The following MED16 variants were observed in gnomAD, a reference collection of about 807,000 sequenced individuals.
The protein encoded by MED16 is mediator of RNA polymerase II transcription subunit 16.
Under a neutral mutation model 84.4 loss-of-function variants are expected in MED16, and 81 were observed. The observed-to-expected ratio is 0.96, with a 90% CI of 0.80 to 1.15. The LOEUF is 1.15. Among genes scored for constraint, MED16 ranks in the 50% most tolerant of loss-of-function variants. The pLI, the probability that MED16 is intolerant of heterozygous loss-of-function variation, is 0.00. For synonymous variants in MED16, 897 were observed against 552.2 expected (o/e 1.62, Z -8.76); for missense variants, 1,585 against 1,245.9 (o/e 1.27, Z -4.10).
intron 9 of MED16, among the ~76,000 whole-genome samples, chr19:876,003 C>G (rs2036220515): frequency 6.6e-6 from 1 of 152,220 alleles, no homozygotes; most frequent in Non-Finnish European, 1.5e-5. Context: ...AGCGACGGCC[C>G]AAGGAGGGAG....
intron 8 of MED16, among the ~76,000 whole-genome samples, chr19:878,556 A>G (rs2036324847): frequency 8.6e-5 from 1 of 11,624 alleles, no homozygotes. Flanking sequence ...AATGCCCACC[A>G]GCCCCAGCCC....
chr19:885,426 T>G (rs2036505001), intron 5 of MED16, among the ~76,000 whole-genome samples: 1 of 151,932 alleles, frequency 6.6e-6, no homozygotes, highest in Non-Finnish European at 1.5e-5. Context: ...GGGATTCGGT[T>G]CGGGACACTG....
At chr19:888,900 C>T in intron 4 of MED16, among the ~76,000 whole-genome samples, 1 of 152,180 alleles carries the variant, frequency 6.6e-6, no homozygotes, top group East Asian at 1.9e-4. Context: ...CAAGCAGACG[C>T]ACAGAGGCAC....
chr19:891,203 G>T, intron 1 of MED16, 54 bp from the exon 2 acceptor site: 1 of 1,521,296 alleles, frequency 6.6e-7, no homozygotes. Flanking sequence ...CCCAGGGCAT[G>T]TGGAGTGCCA....
intron 13 of MED16, among the ~76,000 whole-genome samples, chr19:870,701 T>C (rs1185723942): frequency 6.8e-6 from 1 of 147,316 alleles, no homozygotes; most frequent in African/African-American, 2.5e-5. Flanking sequence ...GTCATGGCCA[T>C]GACTGGAGAA....
chr19:892,885 C>G (rs902502713), intron 1 of MED16: 1 of 10,682 alleles, frequency 9.4e-5, no homozygotes, highest in African/African-American at 3.1e-4. Flanking sequence ...GCCCCGAGCC[C>G]CGCGCCCCGC....
intron 3 of MED16, among the ~76,000 whole-genome samples, 163 bp downstream of exon 3, chr19:889,974 A>C (rs1395145543): frequency 1.3e-5 from 2 of 152,216 alleles, no homozygotes; most frequent in Non-Finnish European, 2.9e-5. Flanking sequence ...AGACACCCTG[A>C]ACAAGAATGA....
At chr19:887,791 T>G (rs1000422611) in intron 4 of MED16, among the ~76,000 whole-genome samples, 2 of 152,072 alleles carry the variant, frequency 1.3e-5, no homozygotes, top group South Asian at 2.1e-4. Flanking sequence ...TGTGTGATCC[T>G]GTTTCTATGA....
intron 11 of MED16, 76 bp from the exon 12 acceptor site, chr19:872,194 T>A: frequency 7.6e-7 from 1 of 1,307,512 alleles, no homozygotes; most frequent in South Asian, 1.4e-5. Context: ...TTGGGGTCGG[T>A]GGAACCCCGA....
intron 2 of MED16, among the ~76,000 whole-genome samples, 161 bp downstream of exon 2, chr19:890,802 C>G (rs1489680994): frequency 1.3e-5 from 2 of 152,212 alleles, no homozygotes; most frequent in Admixed American, 1.3e-4. Context: ...CCTCTGTACC[C>G]CCAGGAGGCT....
intron 7 of MED16, among the ~76,000 whole-genome samples, chr19:880,668 C>G (rs1284155410): frequency 1.3e-5 from 2 of 152,216 alleles, no homozygotes; most frequent in Non-Finnish European, 2.9e-5. Flanking sequence ...GCCTGTAATC[C>G]TAGCACTTTG....
intron 4 of MED16, among the ~76,000 whole-genome samples, chr19:888,130 G>A (rs898576318): frequency 2.0e-5 from 3 of 152,006 alleles, no homozygotes; most frequent in Non-Finnish European, 4.4e-5. Flanking sequence ...CTTGAGCCCG[G>A]GAGGGAGAGG....
At chr19:878,083 C>T (rs1218222508) in intron 8 of MED16, among the ~76,000 whole-genome samples, 3 of 136,828 alleles carry the variant, frequency 2.2e-5, no homozygotes, top group African/African-American at 8.3e-5. Context: ...CAATGCCCCC[C>T]AGCCCCAGCC....
chr19:870,530 C>T (rs1452215491), intron 13 of MED16, among the ~76,000 whole-genome samples: 5 of 149,116 alleles, frequency 3.4e-5, no homozygotes, highest in Admixed American at 2.0e-4. Flanking sequence ...TACTGCACTC[C>T]AGCCTGGGCA....
At position 876,964 on chromosome 19, in the gene MED16, G is replaced by A. The variant is rs749248802; in HGVS notation, c.1560+10C>T. The A allele has an allele frequency of 1.8e-5, 28 of 1,598,806 alleles. No homozygotes were observed. Among genetic ancestry groups the A allele is most frequent in the Admixed American group, 1.2e-4 (7 of 59,048 alleles). On this transcript the variant is annotated intron_variant, in intron 9 of 15. Transcript: ENST00000325464. ...CCTGCCACGGGGCCCCACCTGCCAC[G>A]GGCCCCCACCTGCTGCAGGGCAGCG...
chr19:873,770 C>A (rs1050341964), intron 10 of MED16, among the ~76,000 whole-genome samples, 188 bp from the exon 11 acceptor site: 1 of 145,416 alleles, frequency 6.9e-6, no homozygotes, highest in Admixed American at 6.7e-5. Flanking sequence ...CCACTGCCTG[C>A]CCCCCCCCGG....
rs117191854 is a variant in MED16, at chr19:880,058, G to A, written c.1232C>T (p.Pro411Leu). The change falls in exon 8 of 16, where the codon CCG becomes CTG. Residue 411 changes from proline (P) to leucine (L), a missense_variant. Coordinates refer to ENST00000325464, the MANE Select transcript of MED16 (RefSeq NM_005481.3). ...TMAVFYSSAA[P>L]RPVDEPAMKR... The stretch of plus-strand genomic sequence containing the variant: ...CATGGCCGGCTCATCCACAGGCCTC[G>A]GGGCCGCGGAGCTGTAGAAGACGGC... 28 of 1,611,172 alleles carry A rather than the reference G, an allele frequency of 1.7e-5. No individual in the cohort carries two copies. The highest frequency in any genetic ancestry group is 3.4e-4 in the Middle Eastern group (2 of 5,950).
In MED16 at chr19:884,926, A is replaced by T. The variant is rs763377555; in HGVS notation, c.962T>A (p.Ile321Asn). The T allele has an allele frequency of 3.7e-6, 6 of 1,609,446 alleles. No individual in the cohort carries two copies. The South Asian group carries it at 6.6e-5, about 18-fold the overall frequency. ...ACCCACGGGGGAGATCTGCTGGAAG[A>T]TGTTGTTCACGGGGAGTCCCTCCTT... is the stretch of plus-strand genomic sequence containing the variant. ...LRKEGLPVNNIFQQISPVVGD... is the reference protein window; with the variant it reads ...LRKEGLPVNNNFQQISPVVGD... Residue 321 changes from isoleucine (I) to asparagine (N), a missense_variant, in exon 6 of 16, where the codon ATC (isoleucine) becomes AAC (asparagine). Ile to Asn is a moderately radical substitution (Grantham distance 149). Coordinates refer to ENST00000325464, the MANE Select transcript of MED16 (RefSeq NM_005481.3).
At chr19:870,653 T>A (rs990258403) in intron 13 of MED16, among the ~76,000 whole-genome samples, 1 of 149,708 alleles carries the variant, frequency 6.7e-6, no homozygotes, top group African/African-American at 2.5e-5. Context: ...AAGACACCAC[T>A]AGGGGATGGA....
Sources: gnomAD v4.1 joint callset for allele counts (sites outside exome capture counted in the v4.1 genomes callset) on GRCh38, gnomAD v4.1.1 for gene constraint, MANE v1.5 for transcripts, NCBI Gene and HGNC (gene_info 2026-07-23, HGNC 2026-07-21) for gene names.